Variants in AGBL4 observed in about 807,000 individuals in gnomAD.
AGBL4 encodes AGBL carboxypeptidase 4, also known as cytosolic carboxypeptidase 6.
Under a neutral mutation model 66.4 loss-of-function variants are expected in AGBL4, and 58 were observed. That is an observed-to-expected ratio of 0.87 (90% confidence interval 0.71 to 1.09). AGBL4 has a LOEUF of 1.09. Among genes scored for constraint, AGBL4 ranks in the 50% least tolerant of loss-of-function variants. The pLI is 0.00. For synonymous variants in AGBL4, 234 were observed against 222.9 expected (o/e 1.05, Z -0.44); for missense variants, 579 against 631.0 (o/e 0.92, Z 0.88).
intron 4 of AGBL4, among the ~76,000 whole-genome samples, chr1:49,068,197 A>C (rs1344674763): frequency 6.6e-6 from 1 of 151,648 alleles, no homozygotes; most frequent in Non-Finnish European, 1.5e-5. Context: ...ATAATGGTTC[A>C]TTTTCTTTTT....
rs372758124 is a variant in AGBL4 at position 49,999,021 on chromosome 1, C to G, written c.34+24742G>C. The stretch of plus-strand genomic sequence containing the variant: ...AAAGCATTCTGCCTGAGAACTGGAA[C>G]AAGACAAGGATGCCCACTTTCACCA... On this transcript the variant is annotated intron_variant, in intron 1 of 13. Transcript: ENST00000371839. Among the ~76,000 whole-genome samples, 263 of 152,170 alleles carry G rather than the reference C, an allele frequency of 1.7e-3. 2 individuals are homozygous for G. Among genetic ancestry groups the G allele is most frequent in the African/African-American group, 5.4e-3 (225 of 41,508 alleles).
intron 4 of AGBL4, among the ~76,000 whole-genome samples, chr1:49,096,038 A>G (rs1645093584): frequency 6.6e-6 from 1 of 152,218 alleles, no homozygotes; most frequent in South Asian, 2.1e-4. Context: ...GGATATGAAC[A>G]GACACTTCTC....
the AGBL4 span, among the ~76,000 whole-genome samples, chr1:48,523,487 T>C: frequency 6.6e-6 from 1 of 152,172 alleles, no homozygotes; most frequent in African/African-American, 2.4e-5. Context: ...AGAGGGGAAA[T>C]GACAGCAGCT....
chr1:49,520,591 C>G (rs1650177741), intron 3 of AGBL4, among the ~76,000 whole-genome samples: 1 of 151,954 alleles, frequency 6.6e-6, no homozygotes, highest in Admixed American at 6.5e-5. Flanking sequence ...CTTGACTGCT[C>G]CCATTACAAT....
At chr1:48,723,155 T>C (rs1647178557) in intron 6 of AGBL4, among the ~76,000 whole-genome samples, 1 of 152,180 alleles carries the variant, frequency 6.6e-6, no homozygotes, top group African/African-American at 2.4e-5. Flanking sequence ...TATTTATTAG[T>C]TGGTGAGGAG....
chr1:49,606,636 C>T (rs556906702), intron 3 of AGBL4, among the ~76,000 whole-genome samples: 1 of 152,226 alleles, frequency 6.6e-6, no homozygotes, highest in East Asian at 1.9e-4. Flanking sequence ...CCATTTATTT[C>T]TCATAACAGC....
chr1:49,332,495 C>T (rs535994257), intron 3 of AGBL4, among the ~76,000 whole-genome samples: 1 of 152,210 alleles, frequency 6.6e-6, no homozygotes, highest in South Asian at 2.1e-4. Flanking sequence ...ATGCCAAAAC[C>T]AAGAAAGGAC....
chr1:48,634,940 A>G (rs1201422043), intron 8 of AGBL4, among the ~76,000 whole-genome samples: 1 of 152,220 alleles, frequency 6.6e-6, no homozygotes. Flanking sequence ...GCTGAGAAAA[A>G]TGCTCAGGCC....
intron 3 of AGBL4, among the ~76,000 whole-genome samples, chr1:49,520,152 G>A (rs1650143114): frequency 6.6e-6 from 1 of 151,958 alleles, no homozygotes. Flanking sequence ...ATGATCTTTG[G>A]AAGGCTATGA....
chr1:48,697,966 C>T lies in AGBL4; in HGVS notation c.635-34725G>A, dbSNP rs906126267. On this transcript the variant is annotated intron_variant, in intron 6 of 13. Coordinates refer to ENST00000371839, the MANE Select transcript of AGBL4 (RefSeq NM_032785.4). The stretch of plus-strand genomic sequence containing the variant: ...CTCTGGTCACAACTGGATCCCTCAG[C>T]CGGATTCCAGACCAAACCCCAAGGC... Among the ~76,000 whole-genome samples the T allele has an allele frequency of 3.3e-4, 50 of 152,246 alleles. 1 individual carries two copies. Among genetic ancestry groups the T allele is most frequent in the Admixed American group, 3.3e-3 (50 of 15,288 alleles).
chr1:49,138,633 C>T (rs537894454), intron 4 of AGBL4, among the ~76,000 whole-genome samples: 1 of 152,290 alleles, frequency 6.6e-6, no homozygotes, highest in Non-Finnish European at 1.5e-5. Context: ...GTTGGCCAAA[C>T]TTATATCTCT....
At chr1:49,355,701 A>C (rs1644005325) in intron 3 of AGBL4, among the ~76,000 whole-genome samples, 1 of 152,142 alleles carries the variant, frequency 6.6e-6, no homozygotes. Context: ...CCAGCATAAT[A>C]CTTTTTTGCT....
intron 3 of AGBL4, among the ~76,000 whole-genome samples, chr1:49,283,641 T>A (rs563478574): frequency 1.3e-5 from 2 of 151,590 alleles, no homozygotes; most frequent in East Asian, 1.9e-4. Context: ...GAAGAATGTA[T>A]AACTAGAATA....
intron 1 of AGBL4, among the ~76,000 whole-genome samples, chr1:49,916,158 A>C (rs922340384): frequency 6.6e-6 from 1 of 152,180 alleles, no homozygotes; most frequent in Admixed American, 6.5e-5. Flanking sequence ...AAAGCTGAAA[A>C]TTCTAAAAAT....
chr1:49,969,965 C>A (rs1657912106), intron 1 of AGBL4, among the ~76,000 whole-genome samples: 2 of 152,164 alleles, frequency 1.3e-5, no homozygotes, highest in South Asian at 4.1e-4. Flanking sequence ...GGTAATTCAT[C>A]TTTGACAAGC....
intron 3 of AGBL4, among the ~76,000 whole-genome samples, chr1:49,253,935 T>C (rs749540061): frequency 6.6e-6 from 1 of 152,134 alleles, no homozygotes; most frequent in Admixed American, 6.5e-5. Context: ...TTTCAAAAGA[T>C]GCAGAAAAGG....
intron 3 of AGBL4, among the ~76,000 whole-genome samples, chr1:49,677,529 T>C (rs1175378944): frequency 6.6e-6 from 1 of 152,122 alleles, no homozygotes; most frequent in Non-Finnish European, 1.5e-5. Flanking sequence ...TTTGCATCCA[T>C]ATTGGTCTGT....
At chr1:49,466,503 G>A (rs1331954895) in intron 3 of AGBL4, among the ~76,000 whole-genome samples, 1 of 151,778 alleles carries the variant, frequency 6.6e-6, no homozygotes. Context: ...CCTTCCATCT[G>A]GTGCAGTGCC....
At chr1:49,560,723 A>G (rs1644017584) in intron 3 of AGBL4, among the ~76,000 whole-genome samples, 1 of 152,162 alleles carries the variant, frequency 6.6e-6, no homozygotes, top group South Asian at 2.1e-4. Flanking sequence ...AACAAGAAAC[A>G]AATAACATAA....
Sources: allele counts gnomAD v4.1 joint callset (sites outside exome capture counted in the v4.1 genomes callset), GRCh38; gene constraint gnomAD v4.1.1; transcripts MANE v1.5; gene names NCBI Gene and HGNC (gene_info 2026-07-23, HGNC 2026-07-21).